Variants in IL12RB1 observed in about 807,000 individuals in gnomAD.
The protein encoded by IL12RB1 is interleukin 12 receptor subunit beta 1, also known as interleukin-12 receptor subunit beta-1.
IL12RB1 carries 64 observed loss-of-function variants against 94.4 expected under a neutral mutation model. The observed-to-expected ratio is 0.68, with a 90% CI of 0.55 to 0.83. The LOEUF (loss-of-function observed/expected upper bound fraction) is 0.83, where lower values mean the gene tolerates loss of function less well. Ranked by LOEUF, IL12RB1 falls within the 40% of genes least tolerant of loss-of-function variation. The pLI, the probability that IL12RB1 is intolerant of heterozygous loss-of-function variation, is 0.00. For synonymous variants in IL12RB1, 362 were observed against 355.5 expected, an observed-to-expected ratio of 1.02 and a Z score of -0.21; for missense variants, 814 against 855.6, an observed-to-expected ratio of 0.95 and a Z score of 0.61.
At position 18,082,266 on chromosome 19, in the gene IL12RB1, T is replaced by G; in HGVS notation, c.125-2A>C. ...GGTCCCTAGGGCCCGAGGCCGAGCC[T>G]GGAAGAGATCCTGTAGGCTTGGGAA... On this transcript the variant is annotated splice_acceptor_variant, in intron 2 of 16. Transcript: ENST00000593993. LOFTEE classifies it high-confidence loss of function. 6.3e-7 allele frequency: 1 copy of G among 1,584,310 alleles called. No individual in the cohort carries two copies. Among genetic ancestry groups the G allele is most frequent in the Non-Finnish European group, 8.7e-7 (1 of 1,154,938 alleles).
intron 1 of IL12RB1, among the ~76,000 whole-genome samples, chr19:18,095,118 G>T (rs2036829791): frequency 1.3e-5 from 2 of 150,652 alleles, no homozygotes; most frequent in African/African-American, 2.4e-5. Context: ...GGCAGAGGTT[G>T]CAGTGAGCCA....
chr19:18,086,534 A>T (rs2036353936), intron 1 of IL12RB1, among the ~76,000 whole-genome samples: 1 of 151,904 alleles, frequency 6.6e-6, no homozygotes, highest in Admixed American at 6.6e-5. Context: ...GAACTCCGGG[A>T]GGTGGAAAAA....
At chr19:18,085,229 C>A (rs562680741) in intron 1 of IL12RB1, among the ~76,000 whole-genome samples, 1 of 152,076 alleles carries the variant, frequency 6.6e-6, no homozygotes, top group African/African-American at 2.4e-5. Flanking sequence ...GGGGAGAAGG[C>A]GGCACCCCAG....
intron 5 of IL12RB1, among the ~76,000 whole-genome samples, chr19:18,076,760 C>T (rs1474649466): frequency 6.6e-6 from 1 of 152,082 alleles, no homozygotes; most frequent in Non-Finnish European, 1.5e-5. Flanking sequence ...TCGTTAATTA[C>T]TAGAGAACCT....
intron 9 of IL12RB1, chr19:18,071,073 C>G (rs1359156255): frequency 8.1e-6 from 2 of 247,112 alleles, no homozygotes; most frequent in African/African-American, 4.7e-5. Context: ...TCCATCTCTA[C>G]TAAAAATACA....
chr19:18,077,517 A>G lies in IL12RB1; in HGVS notation c.548T>C (p.Leu183Ser), dbSNP rs200328413. 5.0e-6 allele frequency: 8 copies of G among 1,609,208 alleles called. No homozygotes were observed. The African/African-American group carries it at 8.0e-5, about 16-fold the overall frequency. ...RHRTPSSPWK[L>S]GDCGPQDDDT... ...CCTGGACTTGGGAAACAAACTCACC[A>G]ACTTCCATGGGCTGCTGGGTGTCCG... is the stretch of plus-strand genomic sequence containing the variant. The change falls in exon 5 of 17, where the codon TTG (leucine) becomes TCG (serine). Residue 183 changes from leucine to serine, a missense_variant and splice_region_variant. Physicochemically the swap from Leu to Ser is moderately radical, Grantham distance 145 (BLOSUM62 -2). Transcript: ENST00000593993.
chr19:18,060,487 C>A (rs1300835032), intron 15 of IL12RB1, among the ~76,000 whole-genome samples: 1 of 152,048 alleles, frequency 6.6e-6, no homozygotes, highest in African/African-American at 2.4e-5. Flanking sequence ...TATCCTGAGA[C>A]CGATTTGAGG....
chr19:18,081,030 G>T (rs775586528), intron 3 of IL12RB1, 29 bp from the exon 4 acceptor site: 1 of 1,602,974 alleles, frequency 6.2e-7, no homozygotes, highest in Non-Finnish European at 8.5e-7. Flanking sequence ...TGTCAGTGCC[G>T]AGTCTGGGGT....
chr19:18,078,266 G>T (rs1289536807), intron 4 of IL12RB1, among the ~76,000 whole-genome samples: 1 of 151,976 alleles, frequency 6.6e-6, no homozygotes, highest in Non-Finnish European at 1.5e-5. Context: ...AATTAGCCAG[G>T]CATGGTGGTG....
At chr19:18,091,139 G>A (rs917574563), upstream of IL12RB1, among the ~76,000 whole-genome samples, 1 of 152,128 alleles carries the variant, frequency 6.6e-6, no homozygotes, top group Non-Finnish European at 1.5e-5. Context: ...CCAGACAAAG[G>A]TGAAGTGGTA....
In IL12RB1 at chr19:18,073,548, TCCTGG is replaced by T; in HGVS notation, c.747_751del (p.Gln250TrpfsTer43). ...TTTCAGGGTCAGCCGCCTCCTCCCATCCTGGCCCAGCTGCTCCACCGAGAATCTCA... is the reference window on the plus strand; with the variant it reads ...TTTCAGGGTCAGCCGCCTCCTCCCATCCCAGCTGCTCCACCGAGAATCTCA... On this transcript the variant is annotated frameshift_variant, in exon 8 of 17. Coordinates refer to ENST00000593993, the MANE Select transcript of IL12RB1 (RefSeq NM_005535.3). LOFTEE classifies it high-confidence loss of function. 6.2e-7 allele frequency: 1 copy of T among 1,612,764 alleles called. No individual in the cohort carries two copies. Among genetic ancestry groups the T allele is most frequent in the Non-Finnish European group, 8.5e-7 (1 of 1,179,012 alleles).
In IL12RB1 at chr19:18,071,052, C is replaced by T. The variant is rs151061412; in HGVS notation, c.1021+1060G>A. On this transcript the variant is annotated intron_variant, in intron 9 of 16. Transcript: ENST00000593993. ...AGGAGTTTGAGACCAGCCTGGGCAA[C>T]ATGGTGAAACTCCATCTCTACTAAA... The T allele has an allele frequency of 3.3e-3, 785 of 235,500 alleles. 6 individuals are homozygous for T. The highest frequency in any genetic ancestry group is 0.017 in the African/African-American group (733 of 42,326). 14.6% of individuals were successfully genotyped at this position (235,500 alleles called of 1,614,324 possible). A position where few individuals can be genotyped will look rare whatever the true frequency, so the allele number is the denominator to read the frequency against.
At chr19:18,059,785 C>G (rs972995442) in intron 16 of IL12RB1, 109 bp downstream of exon 16, 1 of 736,478 alleles carries the variant, frequency 1.4e-6, no homozygotes, top group African/African-American at 1.7e-5. Context: ...GTTTTCGTTT[C>G]TCCCTCAGGC....
intron 3 of IL12RB1, among the ~76,000 whole-genome samples, chr19:18,081,257 G>A (rs910681347): frequency 8.6e-5 from 13 of 151,906 alleles, no homozygotes; most frequent in South Asian, 2.1e-4. Context: ...CACCACATGC[G>A]TCTAAGTTTT....
upstream of IL12RB1, among the ~76,000 whole-genome samples, chr19:18,087,399 A>T (rs1213456905): frequency 1.3e-5 from 2 of 151,910 alleles, no homozygotes; most frequent in Non-Finnish European, 2.9e-5. Context: ...TAGTAGAGAC[A>T]GGGTTTCACC....
rs2036383603 is a variant in IL12RB1, at chr19:18,086,883, C to A, written c.-60G>T. The A allele has an allele frequency of 2.5e-6, 4 of 1,581,132 alleles. No homozygotes were observed. The highest frequency in any genetic ancestry group is 3.4e-6 in the Non-Finnish European group (4 of 1,162,850). ...CCTCTCTGCCACCTGCGAGGTTCAG[C>A]CACCCCGTCCCCACTCCGGAACACA... On this transcript the variant is annotated 5_prime_UTR_variant, in exon 1 of 17. Transcript: ENST00000593993.
chr19:18,066,437 A>G (rs2034586131), intron 12 of IL12RB1, 105 bp downstream of exon 12: 2 of 784,172 alleles, frequency 2.6e-6, no homozygotes, highest in African/African-American at 1.7e-5. Context: ...TTGATAACCA[A>G]GGCCCAGAGA....
At chr19:18,094,812 ACCCAAAACATAGAGTTACACCATATGAC>A (rs2036812147) in intron 1 of IL12RB1, among the ~76,000 whole-genome samples, 1 of 150,750 alleles carries the variant, frequency 6.6e-6, no homozygotes, top group South Asian at 2.1e-4. Flanking sequence ...AAACAAAACA[ACCCAAAACATAGAGTTACACCATATGAC>A]CCCGGAAGTC....
intron 1 of IL12RB1, among the ~76,000 whole-genome samples, chr19:18,083,719 T>C (rs995225736): frequency 2.0e-5 from 3 of 150,782 alleles, no homozygotes; most frequent in African/African-American, 7.3e-5. Flanking sequence ...TACCCATCCA[T>C]CCACCCATGA....
Sources: gnomAD v4.1 joint callset for allele counts (sites outside exome capture counted in the v4.1 genomes callset) on GRCh38, gnomAD v4.1.1 for gene constraint, MANE v1.5 for transcripts, NCBI Gene and HGNC (gene_info 2026-07-23, HGNC 2026-07-21) for gene names.